Variants in RRN3 observed in about 807,000 individuals in gnomAD.
RRN3 encodes RNA polymerase I transcription factor RRN3.
Under a neutral mutation model 82.3 loss-of-function variants are expected in RRN3, and 38 were observed. That is an observed-to-expected ratio of 0.46 (90% CI 0.36 to 0.61). The LOEUF is 0.61. Ranked by LOEUF, RRN3 falls within the 20% of genes least tolerant of loss-of-function variation. The pLI, the probability that RRN3 is intolerant of heterozygous loss-of-function variation, is 0.00. For synonymous variants in RRN3, 284 were observed against 284.3 expected (o/e 1.00, Z 0.01); for missense variants, 726 against 793.1 (o/e 0.92, Z 1.02).
chr16:15,077,188 A>G (rs2045495974), intron 9 of RRN3, among the ~76,000 whole-genome samples: 1 of 151,772 alleles, frequency 6.6e-6, no homozygotes, highest in Non-Finnish European at 1.5e-5. Context: ...CATGTTAGTC[A>G]GGCTGGTCTC....
intron 9 of RRN3, among the ~76,000 whole-genome samples, chr16:15,078,804 AT>A (rs1156857713): frequency 6.2e-4 from 80 of 129,518 alleles, no homozygotes; most frequent in African/African-American, 2.0e-3. Flanking sequence ...TCCTCTTCGT[AT>A]TTTTTTCTTT....
At position 15,065,330 on chromosome 16, in the gene RRN3, T is replaced by C. The variant is rs763952461; in HGVS notation, c.1595A>G (p.Asn532Ser). The C allele has an allele frequency of 1.3e-5, 21 of 1,613,776 alleles. No homozygotes were observed. Among genetic ancestry groups the C allele is most frequent in the Non-Finnish European group, 1.8e-5 (21 of 1,179,746 alleles). The change falls in exon 16 of 18, where the codon AAC (asparagine) becomes AGC (serine). Residue 532 changes from asparagine to serine, a missense_variant. Around this residue, in one of 4 missense-constraint regions of RRN3, gnomAD observed 166 missense variants for 154.8 expected, o/e 1.07. Transcript: ENST00000198767. ...LVFCYTIIER[N>S]NRQMLPVIRS... is the part of the protein sequence containing the mutation. ...AATGACTGGCAGCATCTGGCGATTG[T>C]TCCTCTCAATGATGGTGTAGCAGAA... is the stretch of plus-strand genomic sequence containing the variant.
At chr16:15,085,546 G>C in intron 6 of RRN3, 93 bp downstream of exon 6, 1 of 1,555,688 alleles carries the variant, frequency 6.4e-7, no homozygotes, top group Non-Finnish European at 8.7e-7. Flanking sequence ...TCAAACTCTT[G>C]GCCTCAAGTG....
In RRN3 at chr16:15,073,018, G is replaced by A; in HGVS notation, c.1060C>T (p.Leu354Phe). The A allele has an allele frequency of 6.8e-6, 11 of 1,613,342 alleles. No individual in the cohort carries two copies. Among genetic ancestry groups the A allele is most frequent in the Non-Finnish European group, 9.3e-6 (11 of 1,179,810 alleles). The change falls in exon 12 of 18, where the codon CTC (leucine) becomes TTC (phenylalanine). Residue 354 changes from leucine to phenylalanine, a missense_variant. Physicochemically the swap from Leu to Phe is conservative, Grantham distance 22 (BLOSUM62 0). Coordinates refer to ENST00000198767, the MANE Select transcript of RRN3 (RefSeq NM_018427.5). Reference sequence around the variant, plus strand: ...CAGGAGGCATGGGTGGGCAACAGGAGTTTGTCAAAGATGTTTATCAGGTCG... The same window carrying A: ...CAGGAGGCATGGGTGGGCAACAGGAATTTGTCAAAGATGTTTATCAGGTCG... ...YRDLINIFDKLLLPTHASCHV... is the reference protein window; with the variant it reads ...YRDLINIFDKFLLPTHASCHV...
chr16:15,083,235 C>T (rs188925109), intron 8 of RRN3, among the ~76,000 whole-genome samples: 3 of 152,230 alleles, frequency 2.0e-5, no homozygotes, highest in African/African-American at 7.2e-5. Context: ...CTTGTCTCTA[C>T]TAAAAATACA....
At chr16:15,074,312 G>A (rs2151785095) in intron 11 of RRN3, among the ~76,000 whole-genome samples, 1 of 152,282 alleles carries the variant, frequency 6.6e-6, no homozygotes, top group African/African-American at 2.4e-5. Flanking sequence ...GTTCCATGAA[G>A]TCAAGAAGCA....
rs572367311 is a variant in RRN3, at chr16:15,061,396, C to G, written c.*348G>C. 4.1e-6 allele frequency: 1 copy of G among 245,884 alleles called. No individual in the cohort carries two copies. The highest frequency in any genetic ancestry group is 5.5e-5 in the Admixed American group (1 of 18,156). 15.2% of individuals were successfully genotyped at this position (245,884 alleles called of 1,614,324 possible). On this transcript the variant is annotated 3_prime_UTR_variant, in exon 18 of 18. Coordinates refer to ENST00000198767, the MANE Select transcript of RRN3 (RefSeq NM_018427.5). ...AAAAACCCATGTTAAAACAGCAACC[C>G]GTAAAACAGTCTGCTGCCTATATTA...
chr16:15,086,058 T>A, intron 5 of RRN3, 71 bp downstream of exon 5: 1 of 1,397,318 alleles, frequency 7.2e-7, no homozygotes, highest in Non-Finnish European at 9.8e-7. Flanking sequence ...CAGTCTCTCA[T>A]ATATAAGGGG....
intron 12 of RRN3, among the ~76,000 whole-genome samples, chr16:15,071,825 AG>A (rs1297827251): frequency 6.6e-6 from 1 of 152,138 alleles, no homozygotes; most frequent in East Asian, 1.9e-4. Flanking sequence ...CAAATTCAAT[AG>A]GTTTGTGACA....
intron 3 of RRN3, among the ~76,000 whole-genome samples, chr16:15,088,435 T>G (rs1167444870): frequency 3.9e-5 from 6 of 152,042 alleles, no homozygotes; most frequent in African/African-American, 1.5e-4. Context: ...CCCATTACAC[T>G]CCAGCCCGGG....
chr16:15,081,845 T>C (rs1018938187), intron 8 of RRN3, among the ~76,000 whole-genome samples: 7 of 152,346 alleles, frequency 4.6e-5, no homozygotes, highest in Admixed American at 4.6e-4. Flanking sequence ...TAAATATGGA[T>C]ATCCATATGC....
intron 16 of RRN3, among the ~76,000 whole-genome samples, chr16:15,064,301 G>A (rs2044858803): frequency 6.6e-6 from 1 of 151,756 alleles, no homozygotes. Context: ...TCAGCCTCCC[G>A]AGTAGCTGGA....
chr16:15,084,705 T>G lies in RRN3; in HGVS notation c.533A>C (p.Asn178Thr). ...DVSDSDDEDD[N>T]LPANFDTCHR... ...ACATGTGTCAAAATTTGCAGGAAGATCTGAAAGGAGAAAAGTTCAGAGTAT... is the reference window on the plus strand; with the variant it reads ...ACATGTGTCAAAATTTGCAGGAAGAGCTGAAAGGAGAAAAGTTCAGAGTAT... Residue 178 changes from asparagine (N) to threonine (T), a missense_variant and splice_region_variant, in exon 7 of 18, where the codon AAT (asparagine) becomes ACT (threonine). By Grantham distance (65) the Asn-to-Thr change is moderately conservative. Around this residue, in one of 4 missense-constraint regions of RRN3, gnomAD observed 344 missense variants for 394.5 expected, o/e 0.87. Transcript: ENST00000198767. 6.2e-7 allele frequency: 1 copy of G among 1,612,098 alleles called. No homozygotes were observed.
chr16:15,073,960 C>T (rs1263103983), intron 11 of RRN3, among the ~76,000 whole-genome samples: 1 of 152,206 alleles, frequency 6.6e-6, no homozygotes, highest in East Asian at 1.9e-4. Context: ...ATGTAAAGGG[C>T]AGATTATGAA....
intron 16 of RRN3, among the ~76,000 whole-genome samples, chr16:15,063,598 C>G (rs1272042266): frequency 1.3e-5 from 2 of 150,244 alleles, no homozygotes; most frequent in Non-Finnish European, 3.0e-5. Context: ...GTCCCAGCTA[C>G]TCGGGAGGCT....
chr16:15,062,558 A>G (rs1018029320), intron 17 of RRN3, among the ~76,000 whole-genome samples: 3 of 152,164 alleles, frequency 2.0e-5, no homozygotes, highest in Non-Finnish European at 2.9e-5. Context: ...GCTCCACCTC[A>G]TGTGACCTGG....
At chr16:15,081,154 T>C (rs1244104785) in intron 8 of RRN3, among the ~76,000 whole-genome samples, 2 of 152,238 alleles carry the variant, frequency 1.3e-5, no homozygotes, top group Non-Finnish European at 2.9e-5. Context: ...CTTGAGGCTA[T>C]TATGGATGAT....
Position 15,092,513 on chromosome 16 carries a change from T to C in RRN3, c.191A>G (p.Lys64Arg), listed in dbSNP as rs1464280450. 5 of 1,606,282 alleles carry C rather than the reference T, an allele frequency of 3.1e-6. No homozygotes were observed. The highest frequency in any genetic ancestry group is 8.5e-7 in the Non-Finnish European group (1 of 1,172,892). Residue 64 changes from lysine (K) to arginine (R), a missense_variant, in exon 2 of 18, where the codon AAA (lysine) becomes AGA (arginine). Around this residue, in one of 4 missense-constraint regions of RRN3, gnomAD observed 135 missense variants for 87.4 expected, o/e 1.55. Transcript: ENST00000198767. ...GTVTEVLLKYKKGETNDFELL... is the reference protein window; with the variant it reads ...GTVTEVLLKYRKGETNDFELL... ...TCACACATTATCTCCCCTTACCTTT[T>C]TGTACTTCAGCAAGACTTCTGTCAC...
chr16:15,061,749 G>T lies in RRN3; in HGVS notation c.1951C>A (p.Leu651Ile). 1 of 1,607,002 alleles carries T rather than the reference G, an allele frequency of 6.2e-7. No individual in the cohort carries two copies. Among genetic ancestry groups the T allele is most frequent in the Non-Finnish European group, 8.5e-7 (1 of 1,174,084 alleles). ...TCAGTCACAAATTTCTGCCGTCAGA[G>T]GGGACTGGGTTGCATGTACAACACG... The part of the protein sequence containing the change: ...PPVLYMQPSP[L>I] Residue 651 changes from leucine to isoleucine, a missense_variant, in exon 18 of 18, where the codon CTC becomes ATC. Around this residue, in one of 4 missense-constraint regions of RRN3, gnomAD observed 166 missense variants for 154.8 expected, o/e 1.07. Coordinates refer to ENST00000198767, the MANE Select transcript of RRN3 (RefSeq NM_018427.5).
Sources: allele counts gnomAD v4.1 joint callset (sites outside exome capture counted in the v4.1 genomes callset), GRCh38; gene constraint gnomAD v4.1.1; regional missense constraint gnomAD v4.1.1; transcripts MANE v1.5; gene names NCBI Gene and HGNC (gene_info 2026-07-23, HGNC 2026-07-21).